ARHGAP30: variants seen among roughly 807,000 people sequenced by gnomAD.
ARHGAP30 encodes the protein rho GTPase-activating protein 30.
In ARHGAP30, 23 loss-of-function variants were observed where a neutral mutation model predicts 72.0. That is an observed-to-expected ratio of 0.32 (90% confidence interval 0.23 to 0.45). The LOEUF is 0.45. Ranked by LOEUF, ARHGAP30 falls within the 20% of genes least tolerant of loss-of-function variation. The pLI, the probability that ARHGAP30 is intolerant of heterozygous loss-of-function variation, is 1.00. For missense variants in ARHGAP30, 1,319 were observed against 1,383.4 expected (o/e 0.95, Z 0.74); for synonymous variants, 576 against 528.2 (o/e 1.09, Z -1.24).
chr1:161,054,950 A>G (rs1234074310), intron 3 of ARHGAP30, among the ~76,000 whole-genome samples: 1 of 152,058 alleles, frequency 6.6e-6, no homozygotes, highest in Non-Finnish European at 1.5e-5. Flanking sequence ...CTGCCTTACC[A>G]TCCTCCATCC....
In ARHGAP30 at chr1:161,048,991, C is replaced by T. The variant is rs772215293; in HGVS notation, c.2030G>A (p.Gly677Glu). ...GRLDIREEAE[G>E]SPETKVEAGK... ...AGCCTCCACCTTGGTCTCTGGACTT[C>T]CCTCTGCCTCTTCCCTGATGTCTAG... is the stretch of plus-strand genomic sequence containing the variant. The change falls in exon 12 of 12, where the codon GGA (glycine) becomes GAA (glutamate). Residue 677 changes from glycine (G) to glutamate (E), a missense_variant. Gly to Glu is a moderately conservative substitution (Grantham distance 98). This residue lies in a region of ARHGAP30 where 1,097 missense variants were observed against 1,045.2 expected (regional missense o/e 1.05). Transcript: ENST00000368013. 2 of 1,613,766 alleles carry T rather than the reference C, an allele frequency of 1.2e-6. No homozygotes were observed. The highest frequency in any genetic ancestry group is 4.5e-5 in the East Asian group (2 of 44,892).
chr1:161,053,787 G>A (rs929892633), intron 5 of ARHGAP30, among the ~76,000 whole-genome samples: 6 of 152,174 alleles, frequency 3.9e-5, no homozygotes, highest in Admixed American at 6.5e-5. Context: ...GCGTGAGGCC[G>A]GACAGAGTGG....
rs1446381360 is a variant in ARHGAP30, at chr1:161,067,260, A to C, written c.97+2268T>G. Reference sequence around the variant, plus strand: ...GGTCAGGGAGGAAGGCCAAAAGCTTAGGGACCTGAGAATTAGAAACCTGAA... The same window carrying C: ...GGTCAGGGAGGAAGGCCAAAAGCTTCGGGACCTGAGAATTAGAAACCTGAA... On this transcript the variant is annotated intron_variant, in intron 1 of 11. Coordinates refer to ENST00000368013, the MANE Select transcript of ARHGAP30 (RefSeq NM_001025598.2). 2.0e-5 allele frequency among the ~76,000 whole-genome samples: 3 copies of C among 152,178 alleles called. No individual in the cohort carries two copies. The East Asian group carries it at 5.8e-4, about 29-fold the overall frequency.
chr1:161,049,493 T>C lies in ARHGAP30; in HGVS notation c.1617A>G (p.Ala539=). The change falls in exon 11 of 12, where the codon GCA becomes GCG. Residue 539 remains alanine (A), a synonymous_variant. Coordinates refer to ENST00000368013, the MANE Select transcript of ARHGAP30 (RefSeq NM_001025598.2). The part of the protein sequence containing the change: ...GEVAQAEAAG[A]AFSPGEDDPG... The stretch of plus-strand genomic sequence containing the variant: ...GGTCGTCCTCCCCAGGGGAGAAGGC[T>C]GCTCCTGCTGCTTCTGCCTGGGCCA... 1 of 1,614,102 alleles carries C rather than the reference T, an allele frequency of 6.2e-7. No individual in the cohort carries two copies. Among genetic ancestry groups the C allele is most frequent in the Non-Finnish European group, 8.5e-7 (1 of 1,180,026 alleles).
Position 161,052,717 on chromosome 1 carries a change from G to T in ARHGAP30, c.745C>A (p.Leu249Met). The T allele has an allele frequency of 2.5e-6, 4 of 1,612,940 alleles. No individual in the cohort carries two copies. Among genetic ancestry groups the T allele is most frequent in the Non-Finnish European group, 3.4e-6 (4 of 1,180,010 alleles). Residue 249 changes from leucine to methionine, a missense_variant, in exon 7 of 12, where the codon CTG becomes ATG. Transcript: ENST00000368013. ...GSPEDLMPRP[L>M]PYHLPSILQA... ...AGTATGCTAGGCAGGTGATAAGGCA[G>T]TGGCCTGGGCATAAGGTCCTCGGGG...
chr1:161,057,080 T>C (rs1651929776), intron 2 of ARHGAP30, among the ~76,000 whole-genome samples: 1 of 152,078 alleles, frequency 6.6e-6, no homozygotes, highest in Non-Finnish European at 1.5e-5. Flanking sequence ...TTGCAAACAA[T>C]ATATCTGATT....
chr1:161,065,989 C>T (rs1463168678), intron 1 of ARHGAP30, among the ~76,000 whole-genome samples: 2 of 151,602 alleles, frequency 1.3e-5, no homozygotes, highest in Admixed American at 6.6e-5. Flanking sequence ...CTCAGCCTCC[C>T]GAGTAGCTGG....
At chr1:161,053,008 G>T in intron 6 of ARHGAP30, 1 of 857,026 alleles carries the variant, frequency 1.2e-6, no homozygotes, top group Non-Finnish European at 1.7e-6. Flanking sequence ...GTGGGCTGGG[G>T]GTGGATATGA....
At chr1:161,054,796 ATGTGCACTGGACTC>A in intron 3 of ARHGAP30, 91 bp from the exon 4 acceptor site, 1 of 1,110,222 alleles carries the variant, frequency 9.0e-7, no homozygotes, top group Non-Finnish European at 1.4e-6. Context: ...CTCAGGAACA[ATGTGCACTGGACTC>A]TGTGCTACCC....
chr1:161,050,393 G>T (rs1651264146), intron 10 of ARHGAP30, among the ~76,000 whole-genome samples: 3 of 150,144 alleles, frequency 2.0e-5, no homozygotes, highest in African/African-American at 7.4e-5. Context: ...CCACCTCCTG[G>T]GTTGAACCAA....
At chr1:161,053,435 ATCCAGAT>A (rs778840032) in intron 5 of ARHGAP30, 50 bp from the exon 6 acceptor site, 31 of 1,547,766 alleles carry the variant, frequency 2.0e-5, no homozygotes, top group Non-Finnish European at 2.6e-5. Context: ...AAACTTCCCA[ATCCAGAT>A]TCTCCCTGAA....
Position 161,048,007 on chromosome 1 carries a change from C to G in ARHGAP30, c.3014G>C (p.Arg1005Pro). 1 of 1,614,150 alleles carries G rather than the reference C, an allele frequency of 6.2e-7. No individual in the cohort carries two copies. The highest frequency in any genetic ancestry group is 8.5e-7 in the Non-Finnish European group (1 of 1,180,020). Residue 1005 changes from arginine to proline, a missense_variant, in exon 12 of 12, where the codon CGG becomes CCG. By Grantham distance (103) the Arg-to-Pro change is moderately radical. Coordinates refer to ENST00000368013, the MANE Select transcript of ARHGAP30 (RefSeq NM_001025598.2). Reference protein sequence around the residue: ...LSFDAAVALARDRQRTEAQGV... With the variant: ...LSFDAAVALAPDRQRTEAQGV... The stretch of plus-strand genomic sequence containing the variant: ...TTGAGCCTCAGTCCTTTGGCGGTCC[C>G]GGGCTAGGGCCACAGCAGCATCAAA...
chr1:161,069,755 G>C lies in ARHGAP30; in HGVS notation c.-131C>G. The C allele has an allele frequency of 1.0e-6, 1 of 974,574 alleles. No homozygotes were observed. Among genetic ancestry groups the C allele is most frequent in the Non-Finnish European group, 1.5e-6 (1 of 660,116 alleles). The allele number at this position is 974,574 out of a possible 1,614,324, so 60.4% of individuals were successfully genotyped here. Reference sequence around the variant, plus strand: ...AGGGGGGCAGGGCTCCCAATTGGGGGTGGAGGGTGGCCTGGGCAACGGGCA... The same window carrying C: ...AGGGGGGCAGGGCTCCCAATTGGGGCTGGAGGGTGGCCTGGGCAACGGGCA... On this transcript the variant is annotated 5_prime_UTR_variant, in exon 1 of 12. Coordinates refer to ENST00000368013, the MANE Select transcript of ARHGAP30 (RefSeq NM_001025598.2). This position sits in a 1 kb window ranked among gnomAD's most constrained non-coding sequence, Gnocchi z 4.9.
rs755981538 is a variant in ARHGAP30, at chr1:161,047,816, G to A, written c.3205C>T (p.Pro1069Ser). ...TCAGGAACCTGGGGTTCTCTGGGGGGCAGACTAAGACGACTCCGGGATCCA... is the reference window on the plus strand; with the variant it reads ...TCAGGAACCTGGGGTTCTCTGGGGGACAGACTAAGACGACTCCGGGATCCA... ...GSGSRSRLSL[P>S]PREPQVPDPL... The change falls in exon 12 of 12, where the codon CCC becomes TCC. Residue 1069 changes from proline (P) to serine (S), a missense_variant. Around this residue, in one of 2 missense-constraint regions of ARHGAP30, gnomAD observed 1,097 missense variants for 1,045.2 expected, o/e 1.05. Transcript: ENST00000368013. 2 of 1,608,512 alleles carry A rather than the reference G, an allele frequency of 1.2e-6. No homozygotes were observed. Among genetic ancestry groups the A allele is most frequent in the Non-Finnish European group, 1.7e-6 (2 of 1,177,830 alleles).
intron 2 of ARHGAP30, among the ~76,000 whole-genome samples, chr1:161,057,585 C>CCA (rs552714478): frequency 8.4e-4 from 128 of 152,134 alleles, no homozygotes; most frequent in African/African-American, 2.9e-3. Flanking sequence ...CTGCAGTGAG[C>CCA]CATGACCATG....
chr1:161,056,292 G>A (rs1463412854), intron 3 of ARHGAP30, 96 bp downstream of exon 3: 43 of 1,475,728 alleles, frequency 2.9e-5, no homozygotes, highest in African/African-American at 5.6e-5. Flanking sequence ...ATTCAGGATC[G>A]CTAGGACTCT....
Position 161,047,695 on chromosome 1 carries a change from G to T in ARHGAP30, c.*20C>A, listed in dbSNP as rs371330926. 1 of 1,506,554 alleles carries T rather than the reference G, an allele frequency of 6.6e-7. No individual in the cohort carries two copies. The highest frequency in any genetic ancestry group is 8.9e-7 in the Non-Finnish European group (1 of 1,128,114). 93.3% of individuals were successfully genotyped at this position (1,506,554 alleles called of 1,614,324 possible). ...TCAAGACAACTTGCTGGTCCCCTTT[G>T]CCCAGGGCTGTGGTCCTAATCACAG... On this transcript the variant is annotated 3_prime_UTR_variant, in exon 12 of 12. Transcript: ENST00000368013.
In ARHGAP30 at chr1:161,047,698, C is replaced by A; in HGVS notation, c.*17G>T. ...AGACAACTTGCTGGTCCCCTTTGCC[C>A]AGGGCTGTGGTCCTAATCACAGTCC... is the stretch of plus-strand genomic sequence containing the variant. On this transcript the variant is annotated 3_prime_UTR_variant, in exon 12 of 12. Transcript: ENST00000368013. 1 of 1,506,042 alleles carries A rather than the reference C, an allele frequency of 6.6e-7. No homozygotes were observed. The highest frequency in any genetic ancestry group is 8.9e-7 in the Non-Finnish European group (1 of 1,127,794). The allele number at this position is 1,506,042 out of a possible 1,614,324, so 93.3% of individuals were successfully genotyped here. A position where few individuals can be genotyped will look rare whatever the true frequency, so the allele number is the denominator to read the frequency against.
At chr1:161,066,037 G>T (rs1652741868) in intron 1 of ARHGAP30, among the ~76,000 whole-genome samples, 1 of 149,596 alleles carries the variant, frequency 6.7e-6, no homozygotes, top group Non-Finnish European at 1.5e-5. Context: ...GCTAATTTTT[G>T]TATTTTTAGT....
Sources: allele counts gnomAD v4.1 joint callset (sites outside exome capture counted in the v4.1 genomes callset), GRCh38; gene constraint gnomAD v4.1.1; regional missense constraint gnomAD v4.1.1; non-coding constraint Gnocchi (gnomAD v3.1); transcripts MANE v1.5; gene names NCBI Gene and HGNC (gene_info 2026-07-23, HGNC 2026-07-21).